Variants in CSMD3 observed in about 807,000 individuals in gnomAD.
CSMD3 encodes CUB and sushi domain-containing protein 3.
In CSMD3, 177 loss-of-function variants were observed where a neutral mutation model predicts 435.2. The observed-to-expected ratio is 0.41, with a 90% CI of 0.36 to 0.46. The LOEUF is 0.46. CSMD3 is among the 20% of genes least tolerant of loss of function. The probability of loss-of-function intolerance (pLI) is 0.34; values close to 1 mark genes in which losing one functional copy is unlikely to be tolerated. For missense variants in CSMD3, 4,265 were observed against 4,504.6 expected, an observed-to-expected ratio of 0.95 and a Z score of 1.52; for synonymous variants, 1,656 against 1,520.5, an observed-to-expected ratio of 1.09 and a Z score of -2.07.
At chr8:112,862,430 C>A (rs891316466) in intron 10 of CSMD3, among the ~76,000 whole-genome samples, 1 of 151,894 alleles carries the variant, frequency 6.6e-6, no homozygotes, top group African/African-American at 2.4e-5. Context: ...GCTGATAGAA[C>A]TACTGGACGT....
At chr8:112,511,231 C>T (rs559439330) in intron 28 of CSMD3, among the ~76,000 whole-genome samples, 1 of 152,084 alleles carries the variant, frequency 6.6e-6, no homozygotes, top group East Asian at 1.9e-4. Context: ...ATTAAAAATA[C>T]TTTATTGCTA....
intron 11 of CSMD3, among the ~76,000 whole-genome samples, chr8:112,858,924 C>A (rs1402654906): frequency 1.3e-5 from 2 of 151,692 alleles, no homozygotes; most frequent in Non-Finnish European, 3.0e-5. Flanking sequence ...TAATTTTAAC[C>A]TTTTGGTTTA....
intron 32 of CSMD3, among the ~76,000 whole-genome samples, chr8:112,459,465 G>A (rs925021144): frequency 3.3e-5 from 5 of 151,990 alleles, no homozygotes; most frequent in African/African-American, 1.2e-4. Context: ...CTGGGGAAGG[G>A]CCAGCGGCCA....
At chr8:113,122,659 A>G (rs895908725) in intron 4 of CSMD3, among the ~76,000 whole-genome samples, 4 of 152,182 alleles carry the variant, frequency 2.6e-5, no homozygotes, top group Non-Finnish European at 2.9e-5. Flanking sequence ...ACCAGGAGCC[A>G]AGGAATTGAG....
At chr8:112,830,848 G>C (rs146560818) in intron 11 of CSMD3, among the ~76,000 whole-genome samples, 6 of 147,966 alleles carry the variant, frequency 4.1e-5, no homozygotes, top group Non-Finnish European at 8.9e-5. Context: ...GTGCACTGGC[G>C]CGATCTTGGC....
chr8:112,534,444 T>C (rs1236337319), intron 27 of CSMD3, among the ~76,000 whole-genome samples: 1 of 152,106 alleles, frequency 6.6e-6, no homozygotes, highest in Non-Finnish European at 1.5e-5. Flanking sequence ...AATGGATAAA[T>C]TCCTCGACAC....
chr8:112,900,160 G>A (rs2082073085), intron 10 of CSMD3, among the ~76,000 whole-genome samples: 1 of 151,140 alleles, frequency 6.6e-6, no homozygotes, highest in Non-Finnish European at 1.5e-5. Flanking sequence ...ATCATAGCAG[G>A]CTGCTGAGGA....
intron 50 of CSMD3, 112 bp from the exon 51 acceptor site, chr8:112,306,304 C>T: frequency 1.3e-6 from 1 of 763,618 alleles, no homozygotes; most frequent in Non-Finnish European, 2.2e-6. Context: ...TTTATCAATT[C>T]CTCTGAAACA....
intron 28 of CSMD3, among the ~76,000 whole-genome samples, chr8:112,513,385 G>A (rs1034242576): frequency 5.3e-5 from 8 of 152,094 alleles, no homozygotes; most frequent in Admixed American, 5.2e-4. Flanking sequence ...CAGAGAATAG[G>A]TAGGCCCAAG....
intron 12 of CSMD3, among the ~76,000 whole-genome samples, chr8:112,819,824 T>G (rs2079479313): frequency 6.6e-6 from 1 of 152,148 alleles, no homozygotes; most frequent in South Asian, 2.1e-4. Context: ...AATGACAACA[T>G]GACAACAGTC....
chr8:112,240,700 T>C (rs1196438615), intron 66 of CSMD3, among the ~76,000 whole-genome samples: 1 of 152,100 alleles, frequency 6.6e-6, no homozygotes, highest in East Asian at 1.9e-4. Context: ...AAGCATGATA[T>C]GGTTTGGCTC....
intron 13 of CSMD3, among the ~76,000 whole-genome samples, chr8:112,721,463 C>T (rs2076856184): frequency 6.6e-6 from 1 of 152,060 alleles, no homozygotes; most frequent in Non-Finnish European, 1.5e-5. Flanking sequence ...GTAATCCCAG[C>T]TACTCAGGAG....
chr8:112,301,631 C>A (rs1820928529), intron 53 of CSMD3, among the ~76,000 whole-genome samples, 162 bp downstream of exon 53: 1 of 152,046 alleles, frequency 6.6e-6, no homozygotes. Flanking sequence ...CGTTTAGTAG[C>A]TTTTCTATCA....
chr8:113,232,791 A>AT (rs1003472050), intron 3 of CSMD3, among the ~76,000 whole-genome samples: 4 of 151,770 alleles, frequency 2.6e-5, no homozygotes, highest in African/African-American at 9.7e-5. Context: ...CTTTACTCTC[A>AT]TAAAAACTCA....
At chr8:112,374,393 C>T (rs1182254707) in intron 38 of CSMD3, among the ~76,000 whole-genome samples, 1 of 151,906 alleles carries the variant, frequency 6.6e-6, no homozygotes, top group East Asian at 1.9e-4. Context: ...TTTCTATTTA[C>T]AATTATAATT....
chr8:113,033,515 C>T (rs1483100720), intron 5 of CSMD3, among the ~76,000 whole-genome samples: 6 of 150,784 alleles, frequency 4.0e-5, no homozygotes, highest in African/African-American at 1.5e-4. Context: ...GGAATGGGAA[C>T]ATTTACCCAA....
At chr8:112,990,815 G>A (rs1204608548) in intron 6 of CSMD3, among the ~76,000 whole-genome samples, 5 of 151,788 alleles carry the variant, frequency 3.3e-5, no homozygotes, top group African/African-American at 1.2e-4. Flanking sequence ...TTATAATAAT[G>A]CCAGCAGACA....
chr8:112,387,500 T>TGTGA (rs1011182692), intron 36 of CSMD3, among the ~76,000 whole-genome samples: 3 of 151,696 alleles, frequency 2.0e-5, no homozygotes, highest in African/African-American at 7.3e-5. Flanking sequence ...TGTGTGTGTG[T>TGTGA]GTGTTACAAG....
At chr8:112,322,373 T>G (rs1250730044) in intron 45 of CSMD3, among the ~76,000 whole-genome samples, 2 of 152,030 alleles carry the variant, frequency 1.3e-5, no homozygotes, top group African/African-American at 4.8e-5. Flanking sequence ...CAAGACAACA[T>G]GGGTGCTGTG....
Sources: allele counts gnomAD v4.1 joint callset (sites outside exome capture counted in the v4.1 genomes callset), GRCh38; gene constraint gnomAD v4.1.1; transcripts MANE v1.5; gene names NCBI Gene and HGNC (gene_info 2026-07-23, HGNC 2026-07-21).